The following GRIN3B variants were observed in gnomAD, a reference collection of about 807,000 sequenced individuals.
The protein encoded by GRIN3B is glutamate receptor ionotropic, NMDA 3B.
In GRIN3B, 77 loss-of-function variants were observed where a neutral mutation model predicts 66.0. That is an observed-to-expected ratio of 1.17 (90% confidence interval 0.97 to 1.41). GRIN3B has a LOEUF of 1.41. Ranked by LOEUF, GRIN3B falls within the 40% of genes most tolerant of loss-of-function variation. GRIN3B has a pLI of 0.00. For missense variants in GRIN3B, 1,787 were observed against 1,564.5 expected (o/e 1.14, Z -2.40); for synonymous variants, 823 against 749.7 (o/e 1.10, Z -1.60).
rs1041164790 is a variant in GRIN3B at position 1,009,689 on chromosome 19, A to T, written c.*87A>T. ...GACAGTTTATTCTATATACAAACAC[A>T]ATTTTGTACACTGCAATTAAATAGA... On this transcript the variant is annotated 3_prime_UTR_variant, in exon 9 of 9. Transcript: ENST00000234389. 9.4e-7 allele frequency: 1 copy of T among 1,067,642 alleles called. No individual in the cohort carries two copies. Among genetic ancestry groups the T allele is most frequent in the Admixed American group, 4.2e-5 (1 of 23,860 alleles). The allele number at this position is 1,067,642 out of a possible 1,614,324, so 66.1% of individuals were successfully genotyped here. A position where few individuals can be genotyped will look rare whatever the true frequency, so the allele number is the denominator to read the frequency against.
rs1365589972 is a variant in GRIN3B at position 1,008,631 on chromosome 19, G to A, written c.2480G>A (p.Ser827Asn). The A allele has an allele frequency of 6.3e-7, 1 of 1,599,968 alleles. No individual in the cohort carries two copies. The highest frequency in any genetic ancestry group is 8.5e-7 in the Non-Finnish European group (1 of 1,179,158). The part of the protein sequence containing the change: ...VFAVTETLQM[S>N]IYHFAGLFVL... ...TGTTGCCCCCAGACCCTGCAGATGA[G>A]CATCTACCACTTCGCGGGCCTCTTC... The change falls in exon 7 of 9, where the codon AGC (serine) becomes AAC (asparagine). Residue 827 changes from serine (S) to asparagine (N), a missense_variant. Coordinates refer to ENST00000234389, the MANE Select transcript of GRIN3B (RefSeq NM_138690.3).
intron 8 of GRIN3B, 53 bp from the exon 9 acceptor site, chr19:1,009,120 G>A: frequency 1.4e-6 from 2 of 1,442,844 alleles, no homozygotes; most frequent in South Asian, 1.5e-5. Context: ...CAGAGGCCCA[G>A]GGCGCGAGAC....
In GRIN3B at chr19:1,008,661, T is replaced by A. The variant is rs1161098999; in HGVS notation, c.2510T>A (p.Leu837Ter). Residue 837 changes from leucine (L) to a stop codon, truncating the protein, a stop_gained, in exon 7 of 9, where the codon TTG becomes TAG. Transcript: ENST00000234389. LOFTEE classifies it high-confidence loss of function. ...SIYHFAGLFV[L>*]LCLGLGSALL... ...TACCACTTCGCGGGCCTCTTCGTGTTGCTGTGCCTGGGCCTGGGCAGCGCT... is the reference window on the plus strand; with the variant it reads ...TACCACTTCGCGGGCCTCTTCGTGTAGCTGTGCCTGGGCCTGGGCAGCGCT... 5.0e-6 allele frequency: 8 copies of A among 1,604,362 alleles called. No individual in the cohort carries two copies. In the East Asian group the frequency reaches 1.8e-4, roughly 36 times the overall value.
Position 1,000,451 on chromosome 19 carries a change from G to A in GRIN3B, c.14G>A (p.Arg5Gln). The A allele has an allele frequency of 9.1e-6, 11 of 1,213,052 alleles. No homozygotes were observed. Among genetic ancestry groups the A allele is most frequent in the Non-Finnish European group, 1.0e-5 (10 of 974,488 alleles). The allele number at this position is 1,213,052 out of a possible 1,614,324, so 75.1% of individuals were successfully genotyped here. ...GACAACTTTGCGATGGAGTTTGTGC[G>A]GGCGCTGTGGCTGGGCCTGGCGCTG... Reference protein sequence around the residue: MEFVRALWLGLALAL... With the variant: MEFVQALWLGLALAL... Residue 5 changes from arginine to glutamine, a missense_variant, in exon 1 of 9, where the codon CGG (arginine) becomes CAG (glutamine). Coordinates refer to ENST00000234389, the MANE Select transcript of GRIN3B (RefSeq NM_138690.3).
chr19:1,001,377 G>A (rs1292788828), intron 1 of GRIN3B, among the ~76,000 whole-genome samples: 1 of 151,870 alleles, frequency 6.6e-6, no homozygotes, highest in Non-Finnish European at 1.5e-5. Context: ...CCCTCCCAGA[G>A]GCCTCCAAGA....
chr19:1,009,368 C>G lies in GRIN3B; in HGVS notation c.2898C>G (p.Tyr966Ter). The G allele has an allele frequency of 1.9e-5, 26 of 1,369,908 alleles. No homozygotes were observed. Among genetic ancestry groups the G allele is most frequent in the Non-Finnish European group, 2.4e-5 (26 of 1,069,336 alleles). 84.9% of individuals were successfully genotyped at this position (1,369,908 alleles called of 1,614,324 possible). A position where few individuals can be genotyped will look rare whatever the true frequency, so the allele number is the denominator to read the frequency against. Residue 966 changes from tyrosine (Y) to a stop codon, truncating the protein, a stop_gained, in exon 9 of 9, where the codon TAC becomes TAG. Coordinates refer to ENST00000234389, the MANE Select transcript of GRIN3B (RefSeq NM_138690.3). LOFTEE classifies it low-confidence loss of function (END_TRUNC). Reference sequence around the variant, plus strand: ...AGGGCCCCGTCTGGCTGTGCTCCTACGGCCGCCCGCCCGCCGCAAGGCCCA... The same window carrying G: ...AGGGCCCCGTCTGGCTGTGCTCCTAGGGCCGCCCGCCCGCCGCAAGGCCCA... ...PREGPVWLCSYGRPPAARPTG... is the reference protein window; with the variant it reads ...PREGPVWLCS
chr19:1,007,976 G>A lies in GRIN3B; in HGVS notation c.2314+5G>A. On this transcript the variant is annotated splice_donor_5th_base_variant and intron_variant, in intron 5 of 8. Coordinates refer to ENST00000234389, the MANE Select transcript of GRIN3B (RefSeq NM_138690.3). This position sits in a 1 kb window ranked among gnomAD's most constrained non-coding sequence, Gnocchi z 4.4. ...GAAAGCCCTTCGCCATTGAGGGTGA[G>A]AGGCACCTGGGCGAGGCGGGGCGCC... is the stretch of plus-strand genomic sequence containing the variant. The A allele has an allele frequency of 1.2e-6, 2 of 1,611,424 alleles. No homozygotes were observed. The highest frequency in any genetic ancestry group is 2.2e-5 in the East Asian group (1 of 44,852).
At position 1,004,923 on chromosome 19, in the gene GRIN3B, G is replaced by A; in HGVS notation, c.1422G>A (p.Lys474=). The A allele has an allele frequency of 1.9e-6, 3 of 1,612,088 alleles. No individual in the cohort carries two copies. Among genetic ancestry groups the A allele is most frequent in the Non-Finnish European group, 2.5e-6 (3 of 1,179,530 alleles). Reference sequence around the variant, plus strand: ...GCTCAGCGCCCCGTGCCCTGCGCAAGTGCTGCTACGGCTACTGCATTGACC... The same window carrying A: ...GCTCAGCGCCCCGTGCCCTGCGCAAATGCTGCTACGGCTACTGCATTGACC... ...ANGSAPRALR[K]CCYGYCIDLL... Residue 474 remains lysine, a synonymous_variant, in exon 3 of 9, where the codon AAG becomes AAA. Transcript: ENST00000234389.
At chr19:1,008,049 C>A in intron 5 of GRIN3B, 78 bp downstream of exon 5, 1 of 1,578,060 alleles carries the variant, frequency 6.3e-7, no homozygotes, top group Non-Finnish European at 8.6e-7. Context: ...ACGGAGGGTT[C>A]GAGGTGGGAA....
In GRIN3B at chr19:1,004,612, T is replaced by G; in HGVS notation, c.1111T>G (p.Trp371Gly). 6.2e-7 allele frequency: 1 copy of G among 1,605,718 alleles called. No homozygotes were observed. The highest frequency in any genetic ancestry group is 8.5e-7 in the Non-Finnish European group (1 of 1,176,898). ...QVHMSRHFKV[W>G]SLRRDPRGAP... ...ACACATGTCTCGGCACTTTAAGGTG[T>G]GGAGCCTTCGCCGGGACCCACGGGG... Residue 371 changes from tryptophan to glycine, a missense_variant, in exon 3 of 9, where the codon TGG (tryptophan) becomes GGG (glycine). Trp to Gly is a radical substitution (Grantham distance 184). Coordinates refer to ENST00000234389, the MANE Select transcript of GRIN3B (RefSeq NM_138690.3).
rs562464816 is a variant in GRIN3B at position 1,005,171 on chromosome 19, T to A, written c.1670T>A (p.Val557Glu). ...TTCTCCACCAGCCTGGGCATCATGG[T>A]GCGGGCACGGGACACGGCCTCACCC... Reference protein sequence around the residue: ...PFFSTSLGIMVRARDTASPIG... With the variant: ...PFFSTSLGIMERARDTASPIG... Residue 557 changes from valine to glutamate, a missense_variant, in exon 3 of 9, where the codon GTG becomes GAG. Val to Glu is a moderately radical substitution (Grantham distance 121, BLOSUM62 -2). Transcript: ENST00000234389. The surrounding 1 kb of genome is among the most constrained non-coding windows in gnomAD (Gnocchi z 5.2). 1 of 1,613,482 alleles carries A rather than the reference T, an allele frequency of 6.2e-7. No individual in the cohort carries two copies. The highest frequency in any genetic ancestry group is 1.1e-5 in the South Asian group (1 of 91,082).
rs1206648606 is a variant in GRIN3B, at chr19:1,009,458, G to A, written c.2988G>A (p.Arg996=). ...GCCGCATCGAAGTCGCGCGTGAGCG[G>A]CTCCGCCAGGCCCTGGTGCGGCGCG... ...LERRIEVARE[R]LRQALVRRGQ... is the part of the protein sequence containing the mutation. Residue 996 remains arginine (R), a synonymous_variant, in exon 9 of 9, where the codon CGG becomes CGA. Transcript: ENST00000234389. The A allele has an allele frequency of 3.1e-5, 46 of 1,476,286 alleles. No homozygotes were observed. The Admixed American group carries it at 9.8e-4, about 31-fold the overall frequency. 91.4% of individuals were successfully genotyped at this position (1,476,286 alleles called of 1,614,324 possible). A position where few individuals can be genotyped will look rare whatever the true frequency, so the allele number is the denominator to read the frequency against.
rs1449042289 is a variant in GRIN3B at position 1,009,411 on chromosome 19, G to A, written c.2941G>A (p.Gly981Arg). ...AARPTGAPQP[G>R]ELQELERRIE... The stretch of plus-strand genomic sequence containing the variant: ...AAGGCCCACGGGGGCCCCCCAGCCC[G>A]GGGAGCTGCAGGAGCTGGAGCGCCG... The change falls in exon 9 of 9, where the codon GGG becomes AGG. Residue 981 changes from glycine to arginine, a missense_variant. Transcript: ENST00000234389. 7.0e-6 allele frequency: 10 copies of A among 1,436,134 alleles called. No homozygotes were observed. The highest frequency in any genetic ancestry group is 1.5e-5 in the African/African-American group (1 of 66,736). 89.0% of individuals were successfully genotyped at this position (1,436,134 alleles called of 1,614,324 possible).
chr19:1,008,327 G>A, intron 6 of GRIN3B, 36 bp downstream of exon 6: 1 of 861,952 alleles, frequency 1.2e-6, no homozygotes, highest in Non-Finnish European at 1.9e-6. Context: ...TGGGGGTGGG[G>A]GTGGGCGTGG....
Position 1,003,617 on chromosome 19 carries a change from G to C in GRIN3B, c.914G>C (p.Gly305Ala). Residue 305 changes from glycine to alanine, a missense_variant, in exon 2 of 9, where the codon GGC becomes GCC. Transcript: ENST00000234389. ...DIVQLVARAL[G>A]SAAQVQPKRA... Reference sequence around the variant, plus strand: ...GTGCAACTGGTGGCCCGGGCGCTGGGCAGTGCGGCCCAGGTGCAGCCGAAG... The same window carrying C: ...GTGCAACTGGTGGCCCGGGCGCTGGCCAGTGCGGCCCAGGTGCAGCCGAAG... 6.9e-7 allele frequency: 1 copy of C among 1,448,626 alleles called. No individual in the cohort carries two copies. Among genetic ancestry groups the C allele is most frequent in the Non-Finnish European group, 9.0e-7 (1 of 1,105,286 alleles). 89.7% of individuals were successfully genotyped at this position (1,448,626 alleles called of 1,614,324 possible).
chr19:1,003,470 C>G lies in GRIN3B; in HGVS notation c.767C>G (p.Pro256Arg). 6.5e-7 allele frequency: 1 copy of G among 1,538,274 alleles called. No individual in the cohort carries two copies. The highest frequency in any genetic ancestry group is 8.7e-7 in the Non-Finnish European group (1 of 1,147,082). The part of the protein sequence containing the change: ...RRVLEAVPPG[P>R]HWLLGTPLPP... Reference sequence around the variant, plus strand: ...GTGCTGGAGGCCGTACCTCCCGGCCCCCACTGGCTGTTGGGGACACCACTG... The same window carrying G: ...GTGCTGGAGGCCGTACCTCCCGGCCGCCACTGGCTGTTGGGGACACCACTG... Residue 256 changes from proline to arginine, a missense_variant, in exon 2 of 9, where the codon CCC (proline) becomes CGC (arginine). Transcript: ENST00000234389.
intron 1 of GRIN3B, chr19:1,002,830 G>A (rs568204382): frequency 9.6e-6 from 3 of 313,654 alleles, no homozygotes; most frequent in African/African-American, 2.1e-5. Context: ...AGGAGTTGGT[G>A]GGCATAGAGA....
In GRIN3B at chr19:1,007,750, G is replaced by C; in HGVS notation, c.2175G>C (p.Thr725=). 1.3e-6 allele frequency: 2 copies of C among 1,518,360 alleles called. No individual in the cohort carries two copies. Among genetic ancestry groups the C allele is most frequent in the Non-Finnish European group, 1.8e-6 (2 of 1,134,524 alleles). 94.1% of individuals were successfully genotyped at this position (1,518,360 alleles called of 1,614,324 possible). The change falls in exon 4 of 9, where the codon ACG becomes ACC. Residue 725 remains threonine, a synonymous_variant. Transcript: ENST00000234389. The surrounding 1 kb of genome is among the most constrained non-coding windows in gnomAD (Gnocchi z 4.4). ...TGCGGCGCCACAGCGCGCCCACCAC[G>C]CCCCGCGGCGTCGCCATGCTCACGT... is the stretch of plus-strand genomic sequence containing the variant. ...AHMRRHSAPT[T]PRGVAMLTSD...
Position 1,008,743 on chromosome 19 carries a change from C to CA in GRIN3B, c.2594dup (p.Ser867GlufsTer129), listed in dbSNP as rs773028947. ...TCCGCCTGGCGCTGCCGCGCATCCG[C>CA]AAGGGGAGCAGGCTGCAGTACTGGC... On this transcript the variant is annotated frameshift_variant, in exon 7 of 9. Coordinates refer to ENST00000234389, the MANE Select transcript of GRIN3B (RefSeq NM_138690.3). LOFTEE classifies it high-confidence loss of function. The CA allele has an allele frequency of 2.5e-6, 4 of 1,607,560 alleles. No individual in the cohort carries two copies. The Admixed American group carries it at 6.7e-5, about 27-fold the overall frequency.
Sources: gnomAD v4.1 joint callset for allele counts (sites outside exome capture counted in the v4.1 genomes callset) on GRCh38, gnomAD v4.1.1 for gene constraint, Gnocchi (gnomAD v3.1) non-coding constraint, MANE v1.5 for transcripts, NCBI Gene and HGNC (gene_info 2026-07-23, HGNC 2026-07-21) for gene names.